The following TIGIT variants were observed in gnomAD, a reference collection of about 807,000 sequenced individuals.
TIGIT encodes the protein T-cell immunoreceptor with Ig and ITIM domains.
In TIGIT, 11 loss-of-function variants were observed where a neutral mutation model predicts 19.6. The observed-to-expected ratio is 0.56, with a 90% CI of 0.35 to 0.93. The LOEUF is 0.93. TIGIT is among the 40% of genes least tolerant of loss of function. The pLI, the probability that TIGIT is intolerant of heterozygous loss-of-function variation, is 0.01. For missense variants in TIGIT, 295 were observed against 303.9 expected, an observed-to-expected ratio of 0.97 and a Z score of 0.22; for synonymous variants, 130 against 125.5, an observed-to-expected ratio of 1.04 and a Z score of -0.24.
chr3:114,309,453 G>C lies in TIGIT; in HGVS notation c.*1322G>C, dbSNP rs775651499. 1 of 152,210 alleles carries C rather than the reference G, an allele frequency of 6.6e-6. No individual in the cohort carries two copies. Among genetic ancestry groups the C allele is most frequent in the African/African-American group, 2.4e-5 (1 of 41,456 alleles). The allele number at this position is 152,210 out of a possible 1,614,324, so 9.4% of individuals were successfully genotyped here. A position where few individuals can be genotyped will look rare whatever the true frequency, so the allele number is the denominator to read the frequency against. The stretch of plus-strand genomic sequence containing the variant: ...GAACTGAAAGAGAATGTGAAGCAAG[G>C]TTGTGTCTTGCGCATGGTTAAAAAT... On this transcript the variant is annotated 3_prime_UTR_variant, in exon 4 of 4. Transcript: ENST00000383671.
rs370817082 is a variant in TIGIT, at chr3:114,302,139, GC to G, written c.498+2437del. On this transcript the variant is annotated intron_variant, in intron 3 of 3. Transcript: ENST00000383671. ...GTCACAACCAGTCCAAGGCCACCCT[GC>G]AGAAAGAACAAAGGGAACTACATAC... Among the ~76,000 whole-genome samples, 255 of 152,296 alleles carry G rather than the reference GC, an allele frequency of 1.7e-3. 7 individuals are homozygous for G. The South Asian group carries it at 0.047, about 28-fold the overall frequency.
chr3:114,299,677 A>G lies in TIGIT; in HGVS notation c.472A>G (p.Ile158Val). ...ATLVVICTAV[I>V]VVVALTRKKK... The stretch of plus-strand genomic sequence containing the variant: ...GCTGGTGGTCATCTGCACAGCAGTC[A>G]TCGTGGTGGTCGCGTTGACTAGAAA... Residue 158 changes from isoleucine (I) to valine (V), a missense_variant, in exon 3 of 4, where the codon ATC becomes GTC. Ile to Val is a conservative substitution (Grantham distance 29). Transcript: ENST00000383671. 6.2e-7 allele frequency: 1 copy of G among 1,612,734 alleles called. No homozygotes were observed. The highest frequency in any genetic ancestry group is 8.5e-7 in the Non-Finnish European group (1 of 1,179,710).
rs558951961 is a variant in TIGIT at position 114,302,283 on chromosome 3, G to A, written c.498+2580G>A. On this transcript the variant is annotated intron_variant, in intron 3 of 3. Coordinates refer to ENST00000383671, the MANE Select transcript of TIGIT (RefSeq NM_173799.4). ...GTACATTTAGTACAGTCTTCATAGG[G>A]CACAGAATAGGGTGGAGAAGGTTAG... Among the ~76,000 whole-genome samples the A allele has an allele frequency of 2.0e-5, 3 of 152,326 alleles. 1 individual carries two copies. The South Asian group carries it at 6.2e-4, about 32-fold the overall frequency.
At chr3:114,294,258 G>A (rs1021335986) in intron 1 of TIGIT, 136 bp downstream of exon 1, 7 of 657,384 alleles carry the variant, frequency 1.1e-5, no homozygotes, top group Admixed American at 8.8e-5. Flanking sequence ...AACTTTTAGA[G>A]TCCTGTGTAC....
chr3:114,307,150 G>A (rs2078540352), intron 3 of TIGIT, among the ~76,000 whole-genome samples: 1 of 94,582 alleles, frequency 1.1e-5, no homozygotes, highest in African/African-American at 3.6e-5. Flanking sequence ...ATAAACCAGG[G>A]CAGTGAATAT....
In TIGIT at chr3:114,294,116, G is replaced by GC. The variant is rs1322095400; in HGVS notation, c.57dup (p.Ser20LeufsTer51). 1 of 1,553,808 alleles carries GC rather than the reference G, an allele frequency of 6.4e-7. No individual in the cohort carries two copies. The highest frequency in any genetic ancestry group is 1.4e-5 in the African/African-American group (1 of 73,328). ...CCAGGGGCTGAGGCAGGCTCCCCTC[G>GC]CCTCAGGTAAGGCCTGAAACCCAGC... On this transcript the variant is annotated frameshift_variant, in exon 1 of 4. Transcript: ENST00000383671. LOFTEE classifies it high-confidence loss of function.
chr3:114,303,060 A>G (rs2078502354), intron 3 of TIGIT, among the ~76,000 whole-genome samples: 1 of 152,200 alleles, frequency 6.6e-6, no homozygotes, highest in Non-Finnish European at 1.5e-5. Context: ...TATAAACACT[A>G]AAATGTTAAT....
chr3:114,301,045 A>G (rs974967093), intron 3 of TIGIT, among the ~76,000 whole-genome samples: 3 of 152,216 alleles, frequency 2.0e-5, no homozygotes, highest in Non-Finnish European at 4.4e-5. Context: ...TTTATAAATA[A>G]CAAAGAATTA....
chr3:114,303,529 G>GTATATATATATGTA, intron 3 of TIGIT, among the ~76,000 whole-genome samples: 1 of 9,608 alleles, frequency 1.0e-4, no homozygotes, highest in African/African-American at 1.6e-4. Context: ...ACATATATAT[G>GTATATATATATGTA]TATATATATA....
intron 3 of TIGIT, among the ~76,000 whole-genome samples, chr3:114,302,636 C>A (rs2078499731): frequency 6.6e-6 from 1 of 152,196 alleles, no homozygotes; most frequent in East Asian, 1.9e-4. Context: ...ATCCTCATTG[C>A]TACTAGGAAT....
At chr3:114,295,899 G>A (rs1229271122) in intron 2 of TIGIT, 25 bp downstream of exon 2, 1 of 1,556,612 alleles carries the variant, frequency 6.4e-7, no homozygotes, top group Non-Finnish European at 8.8e-7. Context: ...GCAAGTTGGT[G>A]GATAAACCTC....
rs760701443 is a variant in TIGIT, at chr3:114,308,181, A to G, written c.*50A>G. On this transcript the variant is annotated 3_prime_UTR_variant, in exon 4 of 4. Coordinates refer to ENST00000383671, the MANE Select transcript of TIGIT (RefSeq NM_173799.4). The stretch of plus-strand genomic sequence containing the variant: ...TACACTTTTGTCTTTGCTATTATAG[A>G]TGAATATATAAGCAGCTGTACTCTC... 5 of 1,460,158 alleles carry G rather than the reference A, an allele frequency of 3.4e-6. No homozygotes were observed. The highest frequency in any genetic ancestry group is 9.6e-7 in the Non-Finnish European group (1 of 1,046,050). The allele number at this position is 1,460,158 out of a possible 1,614,324, so 90.5% of individuals were successfully genotyped here. A position where few individuals can be genotyped will look rare whatever the true frequency, so the allele number is the denominator to read the frequency against.
At chr3:114,300,888 C>A (rs902928775) in intron 3 of TIGIT, among the ~76,000 whole-genome samples, 2 of 152,178 alleles carry the variant, frequency 1.3e-5, no homozygotes, top group South Asian at 4.1e-4. Context: ...CTCTTAAAAG[C>A]ATTACCACTT....
chr3:114,295,979 G>T, intron 2 of TIGIT, 105 bp downstream of exon 2: 1 of 914,370 alleles, frequency 1.1e-6, no homozygotes, highest in Non-Finnish European at 1.6e-6. Context: ...GATCACATTT[G>T]AATCACCTGA....
chr3:114,294,120 C>T lies in TIGIT; in HGVS notation c.59C>T (p.Ser20Leu). The T allele has an allele frequency of 2.6e-6, 4 of 1,552,826 alleles. No homozygotes were observed. Among genetic ancestry groups the T allele is most frequent in the Non-Finnish European group, 3.5e-6 (4 of 1,146,996 alleles). ...AQGLRQAPLASGMMTGTIETT... is the reference protein window; with the variant it reads ...AQGLRQAPLALGMMTGTIETT... ...GGGCTGAGGCAGGCTCCCCTCGCCT[C>T]AGGTAAGGCCTGAAACCCAGCAGAG... is the stretch of plus-strand genomic sequence containing the variant. Residue 20 changes from serine to leucine, a missense_variant and splice_region_variant, in exon 1 of 4, where the codon TCA becomes TTA. Physicochemically the swap from Ser to Leu is moderately radical, Grantham distance 145 (BLOSUM62 -2). Coordinates refer to ENST00000383671, the MANE Select transcript of TIGIT (RefSeq NM_173799.4).
In TIGIT at chr3:114,295,523, T is replaced by A. The variant is rs201200275; in HGVS notation, c.62-22T>A. ...GCCAGCTGCTGACCCAGGACTCACA[T>A]GTGCTTCGTCCTCTTCCCTAGGAAT... On this transcript the variant is annotated intron_variant, in intron 1 of 3. Transcript: ENST00000383671. 3.1e-6 allele frequency: 5 copies of A among 1,592,266 alleles called. No individual in the cohort carries two copies. The East Asian group carries it at 6.7e-5, about 21-fold the overall frequency.
At position 114,295,475 on chromosome 3, in the gene TIGIT, G is replaced by T. The variant is rs951367907; in HGVS notation, c.62-70G>T. ...CCAGTTGGGGCCTCAAAGGCCCTTA[G>T]AATTTTTCTAGGAAGGTTGAAGGCC... On this transcript the variant is annotated intron_variant, in intron 1 of 3. Transcript: ENST00000383671. 5.9e-6 allele frequency: 8 copies of T among 1,357,994 alleles called. No individual in the cohort carries two copies. The African/African-American group carries it at 1.2e-4, about 20-fold the overall frequency. The allele number at this position is 1,357,994 out of a possible 1,614,324, so 84.1% of individuals were successfully genotyped here.
At chr3:114,307,524 T>G (rs774162910) in intron 3 of TIGIT, 8 of 203,270 alleles carry the variant, frequency 3.9e-5, no homozygotes, top group South Asian at 8.6e-5. Flanking sequence ...GAGAAGAAAA[T>G]CAGGAGAGAG....
chr3:114,304,292 C>A (rs572288127), intron 3 of TIGIT, among the ~76,000 whole-genome samples: 1 of 152,174 alleles, frequency 6.6e-6, no homozygotes, highest in South Asian at 2.1e-4. Context: ...AATATAAAAG[C>A]CATCTTTAGT....
Sources: allele counts gnomAD v4.1 joint callset (sites outside exome capture counted in the v4.1 genomes callset), GRCh38; gene constraint gnomAD v4.1.1; transcripts MANE v1.5; gene names NCBI Gene and HGNC (gene_info 2026-07-23, HGNC 2026-07-21).